The following KBTBD3 variants were observed in gnomAD, a reference collection of about 807,000 sequenced individuals.
KBTBD3 encodes kelch repeat and BTB domain containing 3, also known as kelch repeat and BTB domain-containing protein 3.
Under a neutral mutation model 49.6 loss-of-function variants are expected in KBTBD3, and 38 were observed. That is an observed-to-expected ratio of 0.77 (90% CI 0.59 to 1.00). KBTBD3 has a LOEUF of 1.00. KBTBD3 is among the 50% of genes least tolerant of loss of function. KBTBD3 has a pLI of 0.00. For synonymous variants in KBTBD3, 214 were observed against 250.4 expected (o/e 0.85, Z 1.37); for missense variants, 661 against 712.0 (o/e 0.93, Z 0.81).
intron 3 of KBTBD3, among the ~76,000 whole-genome samples, chr11:106,055,251 T>C (rs1385946975): frequency 6.6e-6 from 1 of 152,194 alleles, no homozygotes; most frequent in Non-Finnish European, 1.5e-5. Flanking sequence ...GGTAAAAACA[T>C]AAATTATTTG....
Position 106,052,729 on chromosome 11 carries a change from A to T in KBTBD3, c.*121T>A, listed in dbSNP as rs774724068. 38 of 742,788 alleles carry T rather than the reference A, an allele frequency of 5.1e-5. No homozygotes were observed. The highest frequency in any genetic ancestry group is 1.1e-4 in the Admixed American group (4 of 37,946). The allele number at this position is 742,788 out of a possible 1,614,324, so 46.0% of individuals were successfully genotyped here. On this transcript the variant is annotated 3_prime_UTR_variant, in exon 4 of 4. Transcript: ENST00000531837. ...GAAACTGTTTATTCATATATGGTGT[A>T]CATACATAATAACTAAAAGCAGGAA...
At chr11:106,069,088 A>T (rs555008101) in intron 2 of KBTBD3, among the ~76,000 whole-genome samples, 58 of 152,234 alleles carry the variant, frequency 3.8e-4, no homozygotes, top group African/African-American at 1.3e-3. Context: ...TCTACAAAAA[A>T]CCTATAGATA....
chr11:106,066,410 C>T (rs1214361027), intron 2 of KBTBD3, among the ~76,000 whole-genome samples: 1 of 152,080 alleles, frequency 6.6e-6, no homozygotes, highest in Non-Finnish European at 1.5e-5. Flanking sequence ...TTTCAAACAG[C>T]AAATTGAGGC....
At chr11:106,064,859 C>T (rs954117332) in intron 2 of KBTBD3, among the ~76,000 whole-genome samples, 10 of 152,202 alleles carry the variant, frequency 6.6e-5, no homozygotes, top group Middle Eastern at 3.4e-3. Context: ...CTGGATGCCC[C>T]TTGGAATCGC....
In KBTBD3 at chr11:106,052,852, A is replaced by G; in HGVS notation, c.1837T>C (p.Ter613ArgextTer3). ...RDPWFSNLCA[*>R] ...GAACTGGACTCGTTTTAGAATGTTC[A>G]AGCACATAGATTAGAAAACCATGGG... The change falls in exon 4 of 4, where the codon TGA (stop) becomes CGA (arginine). Residue 613 changes from the stop codon to arginine, a stop_lost. Transcript: ENST00000531837. The G allele has an allele frequency of 1.2e-6, 2 of 1,606,752 alleles. No individual in the cohort carries two copies. The highest frequency in any genetic ancestry group is 1.7e-6 in the Non-Finnish European group (2 of 1,176,622).
chr11:106,070,128 T>A (rs1188102226), intron 2 of KBTBD3, among the ~76,000 whole-genome samples: 1 of 152,006 alleles, frequency 6.6e-6, no homozygotes, highest in Non-Finnish European at 1.5e-5. Context: ...GGTCATAGAT[T>A]TAAATGTAAA....
chr11:106,065,790 G>A (rs1325456773), intron 2 of KBTBD3, among the ~76,000 whole-genome samples: 1 of 151,844 alleles, frequency 6.6e-6, no homozygotes, highest in African/African-American at 2.4e-5. Flanking sequence ...GTAAAACCCC[G>A]TCTCTACTAA....
chr11:106,060,931 T>G (rs891136107), intron 2 of KBTBD3, among the ~76,000 whole-genome samples: 3 of 151,964 alleles, frequency 2.0e-5, no homozygotes, highest in African/African-American at 4.8e-5. Flanking sequence ...ACAAGGAACT[T>G]AAACAAATTT....
At chr11:106,072,372 T>A (rs973415768) in intron 2 of KBTBD3, among the ~76,000 whole-genome samples, 1 of 152,160 alleles carries the variant, frequency 6.6e-6, no homozygotes, top group Non-Finnish European at 1.5e-5. Flanking sequence ...ATGATTTTTT[T>A]AAAAGGGGGC....
intron 2 of KBTBD3, among the ~76,000 whole-genome samples, chr11:106,066,001 G>A (rs1860805128): frequency 6.6e-6 from 1 of 151,314 alleles, no homozygotes; most frequent in South Asian, 2.1e-4. Context: ...GGGCCTAGAG[G>A]AGCATGTAGA....
chr11:106,056,409 A>G (rs1056723305), intron 3 of KBTBD3, among the ~76,000 whole-genome samples: 4 of 152,208 alleles, frequency 2.6e-5, no homozygotes, highest in Non-Finnish European at 5.9e-5. Context: ...CAAAAATTAT[A>G]TGTAAATTGA....
chr11:106,073,061 C>T (rs759154332), intron 2 of KBTBD3, among the ~76,000 whole-genome samples: 1 of 152,008 alleles, frequency 6.6e-6, no homozygotes, highest in Non-Finnish European at 1.5e-5. Flanking sequence ...AACACTTATA[C>T]AGTGCTTATA....
At chr11:106,067,812 A>G (rs1484792162) in intron 2 of KBTBD3, among the ~76,000 whole-genome samples, 7 of 152,218 alleles carry the variant, frequency 4.6e-5, no homozygotes, top group Admixed American at 1.3e-4. Context: ...TAAGTGGTCT[A>G]CATATACCAA....
intron 2 of KBTBD3, among the ~76,000 whole-genome samples, chr11:106,063,738 C>T (rs904379671): frequency 4.6e-5 from 7 of 152,074 alleles, no homozygotes; most frequent in African/African-American, 1.7e-4. Context: ...CGACACCATC[C>T]TGGCCAACAT....
chr11:106,053,869 C>T lies in KBTBD3; in HGVS notation c.820G>A (p.Ala274Thr). Residue 274 changes from alanine to threonine, a missense_variant, in exon 4 of 4, where the codon GCA becomes ACA. Transcript: ENST00000531837. ...CCAGAACCTTGCACACACTTAATTGCATCCATGATTATGTCAAAACAGTTT... is the reference window on the plus strand; with the variant it reads ...CCAGAACCTTGCACACACTTAATTGTATCCATGATTATGTCAAAACAGTTT... ...STNCFDIIMD[A>T]IKCVQGSGGL... 1 of 1,613,978 alleles carries T rather than the reference C, an allele frequency of 6.2e-7. No individual in the cohort carries two copies. The highest frequency in any genetic ancestry group is 1.1e-5 in the South Asian group (1 of 91,078).
chr11:106,073,258 C>CT (rs374062847), intron 2 of KBTBD3, among the ~76,000 whole-genome samples: 1,661 of 113,082 alleles, frequency 0.015, 39 homozygotes, highest in African/African-American at 0.04. Flanking sequence ...GCACACTCAG[C>CT]TTTTTTTTTT....
intron 2 of KBTBD3, among the ~76,000 whole-genome samples, chr11:106,071,031 A>T (rs6591150): frequency 0.86 from 130,928 of 152,096 alleles, 56,833 homozygotes; most frequent in East Asian, 0.94. Context: ...ATGGGGAAAC[A>T]GGGTGAAGGG....
In KBTBD3 at chr11:106,053,582, G is replaced by A; in HGVS notation, c.1107C>T (p.Ala369=). ...GACAGTAGCACCAGGTTTGATCAGTGGCATCATGATATGACTCGGCAATAT... is the reference window on the plus strand; with the variant it reads ...GACAGTAGCACCAGGTTTGATCAGTAGCATCATGATATGACTCGGCAATAT... ...RLHIAESYHD[A]TDQTWCYCPV... The change falls in exon 4 of 4, where the codon GCC becomes GCT. Residue 369 remains alanine (A), a synonymous_variant. Transcript: ENST00000531837. 6.2e-7 allele frequency: 1 copy of A among 1,613,780 alleles called. No individual in the cohort carries two copies. The highest frequency in any genetic ancestry group is 8.5e-7 in the Non-Finnish European group (1 of 1,179,876).
chr11:106,063,095 G>A (rs1860736937), intron 2 of KBTBD3, among the ~76,000 whole-genome samples: 1 of 152,234 alleles, frequency 6.6e-6, no homozygotes, highest in African/African-American at 2.4e-5. Context: ...CTATTAGCCT[G>A]AGGTTACCCT....
Sources: gnomAD v4.1 joint callset for allele counts (sites outside exome capture counted in the v4.1 genomes callset) on GRCh38, gnomAD v4.1.1 for gene constraint, MANE v1.5 for transcripts, NCBI Gene and HGNC (gene_info 2026-07-23, HGNC 2026-07-21) for gene names.